Variants in MAP4K1 observed in about 807,000 individuals in gnomAD.
The protein encoded by MAP4K1 is mitogen-activated protein kinase kinase kinase kinase 1, also known as MAPK/ERK kinase kinase kinase 1.
A neutral mutation model predicts 122.8 loss-of-function variants in MAP4K1; 35 were observed. That is an observed-to-expected ratio of 0.29 (90% CI 0.22 to 0.38). The LOEUF (loss-of-function observed/expected upper bound fraction) is 0.38. Among genes scored for constraint, MAP4K1 ranks in the 10% least tolerant of loss-of-function variants. The pLI is 1.00. For synonymous variants in MAP4K1, 412 were observed against 421.3 expected (o/e 0.98, Z 0.27); for missense variants, 791 against 1,072.6 (o/e 0.74, Z 3.67).
At position 38,617,680 on chromosome 19, in the gene MAP4K1, C is replaced by T. The variant is rs1396944268; in HGVS notation, c.100-55G>A. On this transcript the variant is annotated intron_variant, in intron 1 of 30. Coordinates refer to ENST00000396857, the MANE Select transcript of MAP4K1 (RefSeq NM_001042600.3). This position sits in a 1 kb window ranked among gnomAD's most constrained non-coding sequence, Gnocchi z 4.1. ...GGCTCCATTTGCCAGAGTCCCTCCA[C>T]AGCATCCCTGAGTCAAGGTCAAGAA... 6.2e-7 allele frequency: 1 copy of T among 1,608,536 alleles called. No homozygotes were observed. Among genetic ancestry groups the T allele is most frequent in the African/African-American group, 1.3e-5 (1 of 74,804 alleles).
At chr19:38,594,957 T>TTGTCTATC (rs1974826082) in intron 29 of MAP4K1, among the ~76,000 whole-genome samples, 1 of 146,554 alleles carries the variant, frequency 6.8e-6, no homozygotes, top group African/African-American at 2.6e-5. Flanking sequence ...TAAATAAATT[T>TTGTCTATC]TATCTATCTA....
chr19:38,611,525 G>C (rs779661051), intron 9 of MAP4K1, among the ~76,000 whole-genome samples: 1 of 152,182 alleles, frequency 6.6e-6, no homozygotes, highest in Non-Finnish European at 1.5e-5. Context: ...GTTCACGCCC[G>C]TAATCCCAAC....
chr19:38,601,764 A>G, intron 19 of MAP4K1: 1 of 487,246 alleles, frequency 2.1e-6, no homozygotes, highest in Non-Finnish European at 3.6e-6. Context: ...TTTTTCCTCC[A>G]CTATCCTAAA....
intron 16 of MAP4K1, 46 bp from the exon 17 acceptor site, chr19:38,606,261 G>C (rs2144728397): frequency 1.0e-6 from 1 of 979,866 alleles, no homozygotes; most frequent in South Asian, 1.6e-5. Flanking sequence ...TGGGGAACAA[G>C]GACTCGGGGA....
intron 19 of MAP4K1, among the ~76,000 whole-genome samples, chr19:38,603,861 G>A (rs1199211320): frequency 1.3e-5 from 2 of 151,926 alleles, no homozygotes; most frequent in African/African-American, 2.4e-5. Flanking sequence ...GTGGGCGCCT[G>A]TAGTCATGGC....
chr19:38,590,395 ATATATATAT>A (rs1245845372), intron 30 of MAP4K1, among the ~76,000 whole-genome samples: 20 of 19,466 alleles, frequency 1.0e-3, no homozygotes, highest in African/African-American at 4.2e-3. Flanking sequence ...AAAAAAAAAA[ATATATATAT>A]ATATATATAT....
chr19:38,590,472 TTTGTTG>T (rs751240357), intron 30 of MAP4K1, among the ~76,000 whole-genome samples: 3 of 138,372 alleles, frequency 2.2e-5, no homozygotes, highest in African/African-American at 8.1e-5. Context: ...GGTGAAATTT[TTTGTTG>T]TTGTTGTTGT....
chr19:38,602,779 CATATACATATATACACACATACATAT>C (rs1975135156), intron 19 of MAP4K1, among the ~76,000 whole-genome samples: 1 of 144,118 alleles, frequency 6.9e-6, no homozygotes, highest in African/African-American at 2.6e-5. Flanking sequence ...CATATATACA[CATATACATATATACACACATACATAT>C]ATACATATAT....
At position 38,617,071 on chromosome 19, in the gene MAP4K1, C is replaced by T. The variant is rs528278260; in HGVS notation, c.248+283G>A. 9.2e-5 allele frequency among the ~76,000 whole-genome samples: 14 copies of T among 152,004 alleles called. No individual in the cohort carries two copies. In the South Asian group the frequency reaches 2.3e-3, roughly 25 times the overall value. On this transcript the variant is annotated intron_variant, in intron 3 of 30. Transcript: ENST00000396857. The surrounding 1 kb of genome is among the most constrained non-coding windows in gnomAD (Gnocchi z 4.1). ...GACCAGCCTGGCCAAGATGGTGAAA[C>T]CCCATCTCTACTAAAAATACAAAAA... is the stretch of plus-strand genomic sequence containing the variant.
chr19:38,605,747 G>A lies in MAP4K1; in HGVS notation c.1201-17C>T. The A allele has an allele frequency of 6.3e-7, 1 of 1,598,390 alleles. No homozygotes were observed. Among genetic ancestry groups the A allele is most frequent in the Non-Finnish European group, 8.5e-7 (1 of 1,176,100 alleles). Reference sequence around the variant, plus strand: ...GAACTTGGGCTTTGGAGACGGGAATGGAGCGTGGGGAAATACATCAGATGA... The same window carrying A: ...GAACTTGGGCTTTGGAGACGGGAATAGAGCGTGGGGAAATACATCAGATGA... On this transcript the variant is annotated splice_polypyrimidine_tract_variant and intron_variant, in intron 17 of 30. Coordinates refer to ENST00000396857, the MANE Select transcript of MAP4K1 (RefSeq NM_001042600.3).
At chr19:38,603,209 CAT>C (rs1169713965) in intron 19 of MAP4K1, among the ~76,000 whole-genome samples, 2 of 146,286 alleles carry the variant, frequency 1.4e-5, no homozygotes, top group African/African-American at 5.1e-5. Context: ...TATACACATA[CAT>C]ATATACACAT....
intron 19 of MAP4K1, 73 bp downstream of exon 19, chr19:38,605,336 A>AC: frequency 4.5e-6 from 5 of 1,108,380 alleles, no homozygotes; most frequent in Non-Finnish European, 2.7e-6. Context: ...CAGTCCTGCC[A>AC]CCCCCTCCCC....
intron 29 of MAP4K1, among the ~76,000 whole-genome samples, chr19:38,594,831 C>T (rs1468186781): frequency 2.0e-5 from 3 of 151,862 alleles, no homozygotes; most frequent in Non-Finnish European, 4.4e-5. Flanking sequence ...GTCTCAGCTA[C>T]TCAGGAGGCT....
At chr19:38,612,782 G>A (rs745790398) in intron 8 of MAP4K1, 40 bp from the exon 9 acceptor site, 13 of 1,604,216 alleles carry the variant, frequency 8.1e-6, no homozygotes, top group Non-Finnish European at 1.1e-5. Context: ...GGTGGCATGG[G>A]GACAGGAAGG....
intron 4 of MAP4K1, 141 bp from the exon 5 acceptor site, chr19:38,614,586 G>A (rs1326137976): frequency 1.5e-5 from 13 of 859,966 alleles, no homozygotes; most frequent in Non-Finnish European, 2.3e-5. Context: ...GGGGGAGATG[G>A]TGGGGTGGTC....
intron 30 of MAP4K1, 53 bp downstream of exon 30, chr19:38,593,229 T>C: frequency 1.9e-6 from 3 of 1,556,002 alleles, no homozygotes; most frequent in Non-Finnish European, 2.6e-6. Context: ...GAATGCTCTC[T>C]TCACATCAGA....
chr19:38,593,519 A>G (rs901648202), intron 29 of MAP4K1, 182 bp from the exon 30 acceptor site: 3 of 459,926 alleles, frequency 6.5e-6, no homozygotes, highest in Non-Finnish European at 1.2e-5. Flanking sequence ...CCTGGCCAAC[A>G]TGGCAAAACC....
chr19:38,614,078 T>G lies in MAP4K1; in HGVS notation c.425A>C (p.Asn142Thr). 1 of 1,598,418 alleles carries G rather than the reference T, an allele frequency of 6.3e-7. No homozygotes were observed. The highest frequency in any genetic ancestry group is 8.5e-7 in the Non-Finnish European group (1 of 1,171,994). Residue 142 changes from asparagine to threonine, a missense_variant, in exon 7 of 31, where the codon AAC becomes ACC. Physicochemically the swap from Asn to Thr is moderately conservative, Grantham distance 65 (BLOSUM62 0). Coordinates refer to ENST00000396857, the MANE Select transcript of MAP4K1 (RefSeq NM_001042600.3). ...KKIHRDIKGA[N>T]ILINDAGEVR... is the part of the protein sequence containing the mutation. Reference sequence around the variant, plus strand: ...CTCCCCAGCATCATTGATGAGGATGTTAGCTCCCTGGGAATGAGAGGGGAT... The same window carrying G: ...CTCCCCAGCATCATTGATGAGGATGGTAGCTCCCTGGGAATGAGAGGGGAT...
Position 38,594,098 on chromosome 19 carries a change from A to G in MAP4K1, c.2341-761T>C, listed in dbSNP as rs1354442419. 4.6e-5 allele frequency among the ~76,000 whole-genome samples: 7 copies of G among 152,098 alleles called. No individual in the cohort carries two copies. The East Asian group carries it at 9.6e-4, about 21-fold the overall frequency. On this transcript the variant is annotated intron_variant, in intron 29 of 30. Transcript: ENST00000396857. ...TCCATATATCTCTATAGTGGTCCCCATTTTACAGTTGGGGAACAGAAGCTT... is the reference window on the plus strand; with the variant it reads ...TCCATATATCTCTATAGTGGTCCCCGTTTTACAGTTGGGGAACAGAAGCTT...
Sources: allele counts gnomAD v4.1 joint callset (sites outside exome capture counted in the v4.1 genomes callset), GRCh38; gene constraint gnomAD v4.1.1; non-coding constraint Gnocchi (gnomAD v3.1); transcripts MANE v1.5; gene names NCBI Gene and HGNC (gene_info 2026-07-23, HGNC 2026-07-21).